The following EPHA5 variants were observed in gnomAD, a reference collection of about 807,000 sequenced individuals.
EPHA5 encodes the protein EPH receptor A5.
A neutral mutation model predicts 105.0 loss-of-function variants in EPHA5; 60 were observed. The ratio of observed to expected loss-of-function variants is 0.57; its 90% CI spans 0.46 to 0.71. The LOEUF (loss-of-function observed/expected upper bound fraction) is 0.71, where lower values mean the gene tolerates loss of function less well. EPHA5 is among the 30% of genes least tolerant of loss of function. EPHA5 has a pLI of 0.00. For missense variants in EPHA5, 1,218 were observed against 1,274.7 expected (o/e 0.96, Z 0.68); for synonymous variants, 513 against 449.1 (o/e 1.14, Z -1.80).
chr4:65,623,417 T>G (rs5000886), intron 2 of EPHA5, among the ~76,000 whole-genome samples: 34,335 of 151,866 alleles, frequency 0.23, 4,783 homozygotes, highest in Middle Eastern at 0.38. Context: ...CACTATGCTG[T>G]GGAGACACAA....
intron 1 of EPHA5, among the ~76,000 whole-genome samples, chr4:65,652,388 T>C (rs569168956): frequency 6.6e-6 from 1 of 152,206 alleles, no homozygotes; most frequent in Non-Finnish European, 1.5e-5. Context: ...ACTAAAATTA[T>C]ATGTTTCTGT....
chr4:65,638,895 G>T (rs746434909), intron 2 of EPHA5, among the ~76,000 whole-genome samples: 2 of 152,030 alleles, frequency 1.3e-5, no homozygotes, highest in African/African-American at 4.8e-5. Context: ...AATATTTAAG[G>T]CCACTTACTG....
rs181263322 is a variant in EPHA5 at position 65,507,790 on chromosome 4, T to C, written c.911-12247A>G. Among the ~76,000 whole-genome samples the C allele has an allele frequency of 4.5e-4, 69 of 152,176 alleles. 1 individual carries two copies. Among genetic ancestry groups the C allele is most frequent in the Admixed American group, 3.0e-3 (46 of 15,250 alleles). ...CTGAGATGATGGGGTTTTATAGATA[T>C]ACAATCGGGAATGTTTTTAAAAAGA... is the stretch of plus-strand genomic sequence containing the variant. On this transcript the variant is annotated intron_variant, in intron 3 of 16. Coordinates refer to ENST00000613740, the MANE Select transcript of EPHA5 (RefSeq NM_001281766.3).
Position 65,465,467 on chromosome 4 carries a change from AAAAGAAAGAAAGAAAG to A in EPHA5, c.1402+24894_1402+24909del, listed in dbSNP as rs749079632. Among the ~76,000 whole-genome samples, 145 of 74,992 alleles carry A rather than the reference AAAAGAAAGAAAGAAAG, an allele frequency of 1.9e-3. 4 individuals carry two copies. Among genetic ancestry groups the A allele is most frequent in the Non-Finnish European group, 2.6e-3 (105 of 40,504 alleles). 49.2% of individuals were successfully genotyped at this position (74,992 alleles called of 152,430 possible). A position where few individuals can be genotyped will look rare whatever the true frequency, so the allele number is the denominator to read the frequency against. ...AAGAAAGAAAGAAAGAAAAGAAAGA[AAAAGAAAGAAAGAAAG>A]AAAGAAAGAAAGAAAGAAAGAAAGA... On this transcript the variant is annotated intron_variant, in intron 5 of 16. Coordinates refer to ENST00000613740, the MANE Select transcript of EPHA5 (RefSeq NM_001281766.3).
chr4:65,370,830 T>C (rs147908609), intron 8 of EPHA5, among the ~76,000 whole-genome samples: 20 of 152,142 alleles, frequency 1.3e-4, no homozygotes, highest in African/African-American at 4.8e-4. Context: ...CACATTAACG[T>C]ATGGAATTAA....
At chr4:65,372,758 T>C (rs1220546899) in intron 8 of EPHA5, among the ~76,000 whole-genome samples, 1 of 151,850 alleles carries the variant, frequency 6.6e-6, no homozygotes, top group African/African-American at 2.4e-5. Context: ...CTAAATTATA[T>C]CTTACTTGAT....
chr4:65,564,720 T>G (rs1039450941), intron 3 of EPHA5, among the ~76,000 whole-genome samples: 1 of 151,786 alleles, frequency 6.6e-6, no homozygotes, highest in East Asian at 1.9e-4. Context: ...GATAAATATC[T>G]GTTGTAATGG....
At chr4:65,542,818 T>TTG in intron 3 of EPHA5, among the ~76,000 whole-genome samples, 2 of 150,146 alleles carry the variant, frequency 1.3e-5, no homozygotes, top group South Asian at 4.2e-4. Context: ...GATATGAAAA[T>TTG]CCTCAATAAA....
intron 3 of EPHA5, among the ~76,000 whole-genome samples, chr4:65,521,308 G>T (rs372468134): frequency 1.3e-5 from 2 of 152,132 alleles, no homozygotes; most frequent in Middle Eastern, 6.8e-3. Context: ...CTCACTCATA[G>T]GTGGGAATTG....
intron 8 of EPHA5, among the ~76,000 whole-genome samples, chr4:65,392,949 C>T (rs915578923): frequency 6.6e-6 from 1 of 152,116 alleles, no homozygotes; most frequent in Non-Finnish European, 1.5e-5. Flanking sequence ...GATATTTACA[C>T]AATGCCCTAT....
chr4:65,572,145 A>G (rs1740257574), intron 3 of EPHA5, among the ~76,000 whole-genome samples: 1 of 152,040 alleles, frequency 6.6e-6, no homozygotes, highest in African/African-American at 2.4e-5. Flanking sequence ...TGGCATAATG[A>G]AGATTTTGGT....
intron 3 of EPHA5, among the ~76,000 whole-genome samples, chr4:65,560,319 T>A (rs1165552097): frequency 1.3e-5 from 2 of 152,068 alleles, no homozygotes; most frequent in African/African-American, 2.4e-5. Context: ...CTATAAAAAA[T>A]TTAGTATTGT....
intron 1 of EPHA5, among the ~76,000 whole-genome samples, chr4:65,644,725 G>A (rs1747968372): frequency 6.6e-6 from 1 of 151,742 alleles, no homozygotes; most frequent in Non-Finnish European, 1.5e-5. Flanking sequence ...AAATTAATGA[G>A]ACAAAAGCAC....
At chr4:65,472,471 G>T (rs1014244981) in intron 5 of EPHA5, among the ~76,000 whole-genome samples, 1 of 152,180 alleles carries the variant, frequency 6.6e-6, no homozygotes, top group African/African-American at 2.4e-5. Flanking sequence ...TGAGGGTTCT[G>T]CCCTTACAGC....
rs2149438126 is a variant in EPHA5 at position 65,601,816 on chromosome 4, G to A, written c.735C>T (p.Asp245=). Residue 245 remains aspartate, a synonymous_variant, in exon 3 of 17, where the codon GAC becomes GAT. Coordinates refer to ENST00000613740, the MANE Select transcript of EPHA5 (RefSeq NM_001281766.3). ...GGGAAGAATCAGCTCCAGTGATGGT[G>A]TCAGGGAAGACAGCCAAGTGTCGTA... ...SVVRHLAVFP[D]TITGADSSQL... 6.2e-7 allele frequency: 1 copy of A among 1,614,140 alleles called. No individual in the cohort carries two copies. Among genetic ancestry groups the A allele is most frequent in the South Asian group, 1.1e-5 (1 of 91,088 alleles).
In EPHA5 at chr4:65,495,371, T is replaced by A. The variant is rs1209752002; in HGVS notation, c.1066+17A>T. ...TGGTTAAAGTTAGCACCACCAAATA[T>A]CCGTGGGTTTCCTTACTTGTGCATG... On this transcript the variant is annotated intron_variant, in intron 4 of 16. Coordinates refer to ENST00000613740, the MANE Select transcript of EPHA5 (RefSeq NM_001281766.3). The A allele has an allele frequency of 1.2e-5, 20 of 1,608,162 alleles. No individual in the cohort carries two copies. The Admixed American group carries it at 3.4e-4, about 27-fold the overall frequency.
intron 2 of EPHA5, among the ~76,000 whole-genome samples, chr4:65,610,926 C>T (rs1744705948): frequency 6.6e-6 from 1 of 152,104 alleles, no homozygotes. Context: ...TTTCATCATG[C>T]TATGCCAAGA....
At chr4:65,505,412 G>A (rs901898825) in intron 3 of EPHA5, among the ~76,000 whole-genome samples, 7 of 151,974 alleles carry the variant, frequency 4.6e-5, no homozygotes, top group Non-Finnish European at 1.5e-5. Context: ...AAAACAAGAA[G>A]CATCCACTGT....
intron 5 of EPHA5, among the ~76,000 whole-genome samples, chr4:65,450,690 G>A (rs1311649035): frequency 6.6e-6 from 1 of 152,106 alleles, no homozygotes; most frequent in Non-Finnish European, 1.5e-5. Context: ...AAATAAAAGT[G>A]ACATACTTGC....
Sources: allele counts gnomAD v4.1 joint callset (sites outside exome capture counted in the v4.1 genomes callset), GRCh38; gene constraint gnomAD v4.1.1; transcripts MANE v1.5; gene names NCBI Gene and HGNC (gene_info 2026-07-23, HGNC 2026-07-21).